Variants in MACROD2 observed in about 807,000 individuals in gnomAD.
MACROD2 encodes the protein mono-ADP ribosylhydrolase 2.
MACROD2 carries 36 observed loss-of-function variants against 70.4 expected under a neutral mutation model. The observed-to-expected ratio is 0.51, with a 90% confidence interval of 0.39 to 0.68. MACROD2 has a LOEUF of 0.68. Among genes scored for constraint, MACROD2 ranks in the 30% least tolerant of loss-of-function variants. The pLI is 0.00. For missense variants in MACROD2, 496 were observed against 538.4 expected, an observed-to-expected ratio of 0.92 and a Z score of 0.78; for synonymous variants, 172 against 178.8, an observed-to-expected ratio of 0.96 and a Z score of 0.30.
intron 5 of MACROD2, among the ~76,000 whole-genome samples, chr20:14,738,643 T>G (rs1267729541): frequency 6.6e-6 from 1 of 152,054 alleles, no homozygotes; most frequent in Non-Finnish European, 1.5e-5. Flanking sequence ...ATTTACCAAT[T>G]TCTTTGAGTC....
chr20:15,932,963 G>A (rs2065601719), intron 10 of MACROD2, among the ~76,000 whole-genome samples: 1 of 152,188 alleles, frequency 6.6e-6, no homozygotes, highest in Admixed American at 6.5e-5. Flanking sequence ...AAAGTGGACT[G>A]GAGTTGAAGT....
chr20:15,312,774 T>C (rs1197937363), intron 6 of MACROD2, among the ~76,000 whole-genome samples: 8 of 152,216 alleles, frequency 5.3e-5, no homozygotes. Context: ...GTTCATGGTA[T>C]ATATACATCT....
chr20:14,662,584 A>G (rs778596371), intron 4 of MACROD2, among the ~76,000 whole-genome samples: 3 of 152,244 alleles, frequency 2.0e-5, no homozygotes, highest in Non-Finnish European at 4.4e-5. Flanking sequence ...TTTGCAAACT[A>G]TGCATCTGAC....
chr20:14,587,444 A>G (rs966558600), intron 4 of MACROD2, among the ~76,000 whole-genome samples: 2 of 151,814 alleles, frequency 1.3e-5, no homozygotes, highest in Non-Finnish European at 2.9e-5. Flanking sequence ...ATATAGCAGC[A>G]TATCACTAAA....
chr20:14,821,998 A>G (rs2072850598), intron 5 of MACROD2, among the ~76,000 whole-genome samples: 1 of 152,108 alleles, frequency 6.6e-6, no homozygotes, highest in Non-Finnish European at 1.5e-5. Flanking sequence ...TTAGGATTCA[A>G]ATGTTTATTC....
At chr20:16,011,193 G>A (rs536052453) in intron 15 of MACROD2, among the ~76,000 whole-genome samples, 1 of 152,322 alleles carries the variant, frequency 6.6e-6, no homozygotes, top group African/African-American at 2.4e-5. Flanking sequence ...GTTGAACAAT[G>A]AAATTGTGAG....
At chr20:15,351,406 G>C (rs1226074577) in intron 6 of MACROD2, among the ~76,000 whole-genome samples, 2 of 152,102 alleles carry the variant, frequency 1.3e-5, no homozygotes, top group South Asian at 2.1e-4. Context: ...TATTTTACCA[G>C]ATTGATGTGA....
intron 3 of MACROD2, among the ~76,000 whole-genome samples, chr20:14,414,095 C>T (rs112384738): frequency 1.9e-4 from 29 of 152,242 alleles, no homozygotes; most frequent in African/African-American, 6.5e-4. Context: ...CATTTGCTGA[C>T]AACTCTCTAA....
At chr20:15,485,304 T>A (rs1036661668) in intron 7 of MACROD2, among the ~76,000 whole-genome samples, 10 of 152,084 alleles carry the variant, frequency 6.6e-5, no homozygotes, top group Admixed American at 2.0e-4. Flanking sequence ...ATTGCTTCAA[T>A]CTACACAAAA....
chr20:15,367,137 C>T (rs1209606840), intron 6 of MACROD2, among the ~76,000 whole-genome samples: 1 of 151,072 alleles, frequency 6.6e-6, no homozygotes, highest in African/African-American at 2.4e-5. Flanking sequence ...AAGTGATTCT[C>T]CTGCCACAGC....
At chr20:14,362,486 C>T (rs1016471357) in intron 3 of MACROD2, among the ~76,000 whole-genome samples, 7 of 152,126 alleles carry the variant, frequency 4.6e-5, no homozygotes, top group East Asian at 1.9e-4. Flanking sequence ...GAGAACCCTC[C>T]GCCCTCATTC....
At chr20:14,466,046 C>T (rs914419856) in intron 3 of MACROD2, among the ~76,000 whole-genome samples, 7 of 151,930 alleles carry the variant, frequency 4.6e-5, no homozygotes, top group East Asian at 1.9e-4. Flanking sequence ...ATCTTTGTGG[C>T]GTTTTCTGTA....
chr20:14,864,108 G>T (rs2122392358), intron 5 of MACROD2, among the ~76,000 whole-genome samples: 1 of 152,154 alleles, frequency 6.6e-6, no homozygotes, highest in African/African-American at 2.4e-5. Context: ...CACTCTCTAT[G>T]TGTCCTGCAA....
chr20:14,046,581 T>A (rs994092060), intron 2 of MACROD2, among the ~76,000 whole-genome samples: 1 of 152,172 alleles, frequency 6.6e-6, no homozygotes, highest in Non-Finnish European at 1.5e-5. Context: ...TGATCTCTTT[T>A]GACCATGATA....
intron 5 of MACROD2, among the ~76,000 whole-genome samples, chr20:15,002,026 C>T (rs904500904): frequency 5.3e-5 from 8 of 152,042 alleles, no homozygotes; most frequent in South Asian, 2.1e-4. Flanking sequence ...GATTGGCATT[C>T]GGGCTGGTTT....
intron 8 of MACROD2, among the ~76,000 whole-genome samples, chr20:15,852,454 G>A (rs2064310181): frequency 6.6e-6 from 1 of 152,170 alleles, no homozygotes; most frequent in South Asian, 2.1e-4. Context: ...GATTATAAAT[G>A]TTTTCCAATT....
At position 14,390,707 on chromosome 20, in the gene MACROD2, G is replaced by A. The variant is rs553650816; in HGVS notation, c.272-102772G>A. ...TAGCCATATACAGAGATTAAAACTG[G>A]ACCCCTTACTTATACCATATACAAA... On this transcript the variant is annotated intron_variant, in intron 3 of 17. Transcript: ENST00000684519. 5.4e-4 allele frequency among the ~76,000 whole-genome samples: 82 copies of A among 152,218 alleles called. No homozygotes were observed. In the Middle Eastern group the frequency reaches 0.014, roughly 25 times the overall value.
chr20:16,019,023 A>G (rs2066966681), intron 15 of MACROD2, among the ~76,000 whole-genome samples: 3 of 152,184 alleles, frequency 2.0e-5, no homozygotes, highest in Admixed American at 2.0e-4. Context: ...TCTCCCCAAT[A>G]AAACAATAAA....
At chr20:14,260,623 G>A (rs79972717) in intron 3 of MACROD2, among the ~76,000 whole-genome samples, 2,900 of 152,266 alleles carry the variant, frequency 0.019, 38 homozygotes, top group South Asian at 0.044. Flanking sequence ...TTTTAAAGAG[G>A]CAATGTGATG....
Sources: allele counts gnomAD v4.1 joint callset (sites outside exome capture counted in the v4.1 genomes callset), GRCh38; gene constraint gnomAD v4.1.1; transcripts MANE v1.5; gene names NCBI Gene and HGNC (gene_info 2026-07-23, HGNC 2026-07-21).